PTPN2: variants seen among roughly 807,000 people sequenced by gnomAD.
The protein encoded by PTPN2 is tyrosine-protein phosphatase non-receptor type 2.
PTPN2 carries 19 observed loss-of-function variants against 57.3 expected under a neutral mutation model. The observed-to-expected ratio is 0.33, with a 90% confidence interval of 0.23 to 0.49. PTPN2 has a LOEUF of 0.49. PTPN2 is among the 20% of genes least tolerant of loss of function. PTPN2 has a pLI of 0.99. For synonymous variants in PTPN2, 153 were observed against 164.9 expected, an observed-to-expected ratio of 0.93 and a Z score of 0.55; for missense variants, 358 against 501.1, an observed-to-expected ratio of 0.71 and a Z score of 2.73.
At chr18:12,819,558 T>C (rs189414751) in intron 5 of PTPN2, among the ~76,000 whole-genome samples, 251 of 152,122 alleles carry the variant, frequency 1.6e-3, no homozygotes, top group African/African-American at 5.8e-3. Flanking sequence ...AACCGATCTA[T>C]GTTTCTGTTA....
chr18:12,879,188 T>C (rs542839913), intron 1 of PTPN2, among the ~76,000 whole-genome samples: 6 of 152,320 alleles, frequency 3.9e-5, no homozygotes, highest in South Asian at 2.1e-4. Flanking sequence ...ACCTAGTCTG[T>C]AGTGCAGTGG....
intron 8 of PTPN2, among the ~76,000 whole-genome samples, chr18:12,794,717 G>A (rs1012501116): frequency 6.6e-6 from 1 of 152,050 alleles, no homozygotes; most frequent in Non-Finnish European, 1.5e-5. Flanking sequence ...TGCCTCCCAC[G>A]CTCAAGTGAT....
At chr18:12,794,531 G>T in intron 8 of PTPN2, 46 bp from the exon 9 acceptor site, 1 of 1,599,730 alleles carries the variant, frequency 6.3e-7, no homozygotes, top group South Asian at 1.1e-5. Flanking sequence ...CACAGAGCAG[G>T]ACTTGAGTAC....
chr18:12,870,258 CAT>C lies in PTPN2; in HGVS notation c.70-11006_70-11005del, dbSNP rs146860865. Among the ~76,000 whole-genome samples the C allele has an allele frequency of 1.2e-3, 121 of 99,528 alleles. 10 individuals are homozygous for C. Among genetic ancestry groups the C allele is most frequent in the African/African-American group, 4.2e-3 (96 of 22,906 alleles). 65.3% of individuals were successfully genotyped at this position (99,528 alleles called of 152,430 possible). A position where few individuals can be genotyped will look rare whatever the true frequency, so the allele number is the denominator to read the frequency against. ...ATAGGAATCCAGTACTTAACTTTAG[CAT>C]ATATATATATATGTATATATATACA... On this transcript the variant is annotated intron_variant, in intron 1 of 8. Transcript: ENST00000309660.
At chr18:12,809,887 A>G (rs2041830688) in intron 7 of PTPN2, among the ~76,000 whole-genome samples, 1 of 152,192 alleles carries the variant, frequency 6.6e-6, no homozygotes, top group East Asian at 1.9e-4. Flanking sequence ...GAGGTATTAA[A>G]AAGAAAAAGG....
chr18:12,860,995 T>C (rs555595849), intron 1 of PTPN2, among the ~76,000 whole-genome samples: 2 of 152,324 alleles, frequency 1.3e-5, no homozygotes, highest in Admixed American at 6.5e-5. Context: ...TTTTAAAAGT[T>C]AGGTGCCATT....
intron 2 of PTPN2, among the ~76,000 whole-genome samples, chr18:12,849,034 T>C (rs1260400334): frequency 6.6e-6 from 1 of 152,124 alleles, no homozygotes; most frequent in African/African-American, 2.4e-5. Flanking sequence ...GTATAAGTGG[T>C]AAGAATGAAC....
chr18:12,825,783 C>A, intron 5 of PTPN2, 27 bp downstream of exon 5: 1 of 1,585,074 alleles, frequency 6.3e-7, no homozygotes, highest in Non-Finnish European at 8.6e-7. Context: ...ATATAAAGTC[C>A]ACAATTTCGG....
intron 1 of PTPN2, 135 bp from the exon 2 acceptor site, chr18:12,859,389 A>G: frequency 1.7e-6 from 1 of 573,048 alleles, no homozygotes; most frequent in Non-Finnish European, 3.0e-6. Context: ...GTTTACATCA[A>G]TTAATCATTT....
At chr18:12,862,507 C>G (rs1040042886) in intron 1 of PTPN2, 2 of 152,194 alleles carry the variant, frequency 1.3e-5, no homozygotes, top group Non-Finnish European at 2.9e-5. Context: ...GTTTTCAGAC[C>G]ACAATGAGCC....
At chr18:12,841,737 T>C (rs2043052758) in intron 2 of PTPN2, among the ~76,000 whole-genome samples, 1 of 152,164 alleles carries the variant, frequency 6.6e-6, no homozygotes, top group Non-Finnish European at 1.5e-5. Flanking sequence ...ATTGAAAAAG[T>C]CCTCTTTAAT....
rs59927276 is a variant in PTPN2, at chr18:12,804,289, C to CAAAAA, written c.859-2143_859-2139dup. ...TCTAGGGGTCAGAGTGAAACTGTCT[C>CAAAAA]AAAAAAAAAAAAAAAAAAAAGAAAA... On this transcript the variant is annotated intron_variant, in intron 7 of 8. Coordinates refer to ENST00000309660, the MANE Select transcript of PTPN2 (RefSeq NM_002828.4). Among the ~76,000 whole-genome samples, 106 of 67,782 alleles carry CAAAAA rather than the reference C, an allele frequency of 1.6e-3. 1 individual carries two copies. The highest frequency in any genetic ancestry group is 5.0e-3 in the African/African-American group (78 of 15,542). 44.5% of individuals were successfully genotyped at this position (67,782 alleles called of 152,430 possible). A position where few individuals can be genotyped will look rare whatever the true frequency, so the allele number is the denominator to read the frequency against.
chr18:12,871,714 C>T (rs1319205281), intron 1 of PTPN2, among the ~76,000 whole-genome samples: 2 of 152,008 alleles, frequency 1.3e-5, no homozygotes, highest in Non-Finnish European at 2.9e-5. Context: ...GGTTTCATTT[C>T]TTTTATGTTT....
intron 3 of PTPN2, among the ~76,000 whole-genome samples, chr18:12,836,061 TA>T (rs1221571134): frequency 1.3e-5 from 2 of 151,872 alleles, no homozygotes; most frequent in Non-Finnish European, 2.9e-5. Context: ...CATTCTGATT[TA>T]AGTTATGTTT....
rs1236089389 is a variant in PTPN2, at chr18:12,861,737, C to CT, written c.70-2484dup. Among the ~76,000 whole-genome samples, 8 of 152,266 alleles carry CT rather than the reference C, an allele frequency of 5.3e-5. No homozygotes were observed. In the East Asian group the frequency reaches 1.5e-3, roughly 29 times the overall value. ...GATATAGATTTGCAGGGAGGGGAGG[C>CT]TTAAAACAACAGGCAGAGCAGGACT... is the stretch of plus-strand genomic sequence containing the variant. On this transcript the variant is annotated intron_variant, in intron 1 of 8. Transcript: ENST00000309660.
At chr18:12,819,025 C>T (rs1287814680) in intron 5 of PTPN2, 39 of 295,394 alleles carry the variant, frequency 1.3e-4, no homozygotes, top group Non-Finnish European at 6.2e-5. Flanking sequence ...ACCCGGGAGG[C>T]GGAGGTTGTG....
chr18:12,860,596 GCAAAA>G (rs1215730030), intron 1 of PTPN2, among the ~76,000 whole-genome samples: 1 of 151,306 alleles, frequency 6.6e-6, no homozygotes, highest in Non-Finnish European at 1.5e-5. Context: ...GGCGGAAAAA[GCAAAA>G]CAAAACAAAA....
intron 8 of PTPN2, among the ~76,000 whole-genome samples, 163 bp from the exon 9 acceptor site, chr18:12,794,648 G>A (rs1381305981): frequency 1.3e-5 from 2 of 152,148 alleles, no homozygotes; most frequent in South Asian, 2.1e-4. Flanking sequence ...TTGAGACAGC[G>A]TCTTGCTCTG....
chr18:12,873,803 G>A lies in PTPN2; in HGVS notation c.69+10270C>T, dbSNP rs555979557. 9.2e-5 allele frequency among the ~76,000 whole-genome samples: 14 copies of A among 152,104 alleles called. 1 individual carries two copies. The South Asian group carries it at 2.9e-3, about 32-fold the overall frequency. On this transcript the variant is annotated intron_variant, in intron 1 of 8. Transcript: ENST00000309660. ...CTGGCTGCCCAGTCTGGAAAGTGAT[G>A]AGCATCTCTGCCCGGCCGCCATCCC...
Sources: allele counts gnomAD v4.1 joint callset (sites outside exome capture counted in the v4.1 genomes callset), GRCh38; gene constraint gnomAD v4.1.1; transcripts MANE v1.5; gene names NCBI Gene and HGNC (gene_info 2026-07-23, HGNC 2026-07-21).